The following CAMK4 variants were observed in gnomAD, a reference collection of about 807,000 sequenced individuals.
CAMK4 encodes the protein calcium/calmodulin dependent protein kinase IV, also known as calcium/calmodulin-dependent protein kinase type IV.
CAMK4 carries 22 observed loss-of-function variants against 44.9 expected under a neutral mutation model. That is an observed-to-expected ratio of 0.49 (90% CI 0.35 to 0.70). The LOEUF is 0.70. Among genes scored for constraint, CAMK4 ranks in the 30% least tolerant of loss-of-function variants. The pLI is 0.01. For synonymous variants in CAMK4, 218 were observed against 215.4 expected (o/e 1.01, Z -0.11); for missense variants, 498 against 586.8 (o/e 0.85, Z 1.56).
At chr5:111,297,460 G>T (rs1747535995) in intron 1 of CAMK4, among the ~76,000 whole-genome samples, 1 of 152,178 alleles carries the variant, frequency 6.6e-6, no homozygotes, top group Admixed American at 6.5e-5. Flanking sequence ...GGCTCTCAGT[G>T]TCCTGCTGAG....
At chr5:111,473,701 T>A (rs1755144078) in intron 8 of CAMK4, among the ~76,000 whole-genome samples, 1 of 152,214 alleles carries the variant, frequency 6.6e-6, no homozygotes, top group Non-Finnish European at 1.5e-5. Flanking sequence ...CTGTGTAAAC[T>A]TGCTCTTGTT....
At chr5:111,416,803 A>G (rs1752831144) in intron 5 of CAMK4, among the ~76,000 whole-genome samples, 1 of 152,210 alleles carries the variant, frequency 6.6e-6, no homozygotes, top group South Asian at 2.1e-4. Context: ...GGAAGACACT[A>G]CTATTAACAT....
rs551875678 is a variant in CAMK4 at position 111,238,414 on chromosome 5, G to A, written c.161+13770G>A. Among the ~76,000 whole-genome samples, 12 of 152,216 alleles carry A rather than the reference G, an allele frequency of 7.9e-5. No homozygotes were observed. In the East Asian group the frequency reaches 1.4e-3, roughly 17 times the overall value. ...TTAAAAGAGTTGTGAGAGCTTGCTC[G>A]CTCGCTGTCTCTCATCACTGACCAT... On this transcript the variant is annotated intron_variant, in intron 1 of 10. Transcript: ENST00000282356.
chr5:111,472,774 T>C (rs1042908384), intron 7 of CAMK4, among the ~76,000 whole-genome samples: 9 of 152,114 alleles, frequency 5.9e-5, no homozygotes, highest in African/African-American at 1.7e-4. Context: ...TGCCAGGACA[T>C]GTGCCAGGAC....
At chr5:111,370,895 C>G (rs1010826539) in intron 2 of CAMK4, among the ~76,000 whole-genome samples, 2 of 144,726 alleles carry the variant, frequency 1.4e-5, no homozygotes, top group African/African-American at 5.2e-5. Context: ...AGCCTGGTGA[C>G]AAAGCGAGAC....
At chr5:111,374,175 G>T (rs1751120628) in intron 2 of CAMK4, among the ~76,000 whole-genome samples, 1 of 152,150 alleles carries the variant, frequency 6.6e-6, no homozygotes, top group Non-Finnish European at 1.5e-5. Context: ...TGTATTAACA[G>T]TCCTCTTCAT....
intron 4 of CAMK4, among the ~76,000 whole-genome samples, chr5:111,392,862 T>A (rs1465044840): frequency 6.6e-6 from 1 of 152,148 alleles, no homozygotes; most frequent in Non-Finnish European, 1.5e-5. Flanking sequence ...TATATTATAC[T>A]GGATAGTAAA....
intron 1 of CAMK4, among the ~76,000 whole-genome samples, chr5:111,310,110 T>C (rs1440027919): frequency 6.6e-6 from 1 of 152,156 alleles, no homozygotes. Context: ...TAACAAGGCA[T>C]ATTCAACCTC....
intron 2 of CAMK4, among the ~76,000 whole-genome samples, chr5:111,348,758 G>A (rs1580630996): frequency 1.3e-5 from 2 of 152,088 alleles, no homozygotes; most frequent in East Asian, 1.9e-4. Flanking sequence ...TTTCAGATAC[G>A]TGAGCTTTCT....
rs1481554452 is a variant in CAMK4 at position 111,482,635 on chromosome 5, A to G, written c.829-150A>G. The G allele has an allele frequency of 3.6e-6, 2 of 548,528 alleles. No homozygotes were observed. Among genetic ancestry groups the G allele is most frequent in the Admixed American group, 7.1e-5 (2 of 28,026 alleles). The allele number at this position is 548,528 out of a possible 1,614,324, so 34.0% of individuals were successfully genotyped here. The stretch of plus-strand genomic sequence containing the variant: ...GCTACCTGAAGCTGTGCCTACCTAC[A>G]GTGGCCCCTGAGGACTTAAACAATT... On this transcript the variant is annotated intron_variant, in intron 9 of 10. Coordinates refer to ENST00000282356, the MANE Select transcript of CAMK4 (RefSeq NM_001744.6). This position sits in a 1 kb window ranked among gnomAD's most constrained non-coding sequence, Gnocchi z 4.9.
chr5:111,336,642 T>G (rs975502148), intron 1 of CAMK4, among the ~76,000 whole-genome samples: 2 of 151,136 alleles, frequency 1.3e-5, no homozygotes, highest in Non-Finnish European at 3.0e-5. Context: ...GCTAAGACAA[T>G]GATTTATATA....
intron 2 of CAMK4, among the ~76,000 whole-genome samples, chr5:111,354,738 T>C (rs1021726230): frequency 2.6e-5 from 4 of 151,926 alleles, no homozygotes; most frequent in Non-Finnish European, 5.9e-5. Context: ...TAAATAAGAC[T>C]CCTTTGGGCC....
intron 5 of CAMK4, among the ~76,000 whole-genome samples, chr5:111,435,889 T>C (rs35640606): frequency 0.27 from 40,702 of 152,072 alleles, 5,807 homozygotes; most frequent in Non-Finnish European, 0.32. Flanking sequence ...ATCTTCTCAG[T>C]TGCCTCACAA....
chr5:111,378,475 C>T (rs925206341), intron 4 of CAMK4, among the ~76,000 whole-genome samples: 1 of 152,076 alleles, frequency 6.6e-6, no homozygotes, highest in African/African-American at 2.4e-5. Flanking sequence ...TTTAACATTA[C>T]CCAGTGAAAA....
chr5:111,417,281 G>A (rs1752849290), intron 5 of CAMK4, among the ~76,000 whole-genome samples: 1 of 150,536 alleles, frequency 6.6e-6, no homozygotes, highest in South Asian at 2.1e-4. Context: ...CTGGAGTGCA[G>A]TGGCCCGATC....
chr5:111,374,941 A>G, intron 3 of CAMK4, 29 bp downstream of exon 3: 1 of 1,493,156 alleles, frequency 6.7e-7, no homozygotes, highest in Non-Finnish European at 9.3e-7. Flanking sequence ...ACTATTTCAA[A>G]TGATTGCCAG....
At chr5:111,233,254 T>C (rs1748557513) in intron 1 of CAMK4, among the ~76,000 whole-genome samples, 1 of 152,200 alleles carries the variant, frequency 6.6e-6, no homozygotes, top group East Asian at 1.9e-4. Context: ...CTACCTTTAG[T>C]CTCTCTTTCA....
chr5:111,287,399 T>C (rs1167813505), intron 1 of CAMK4, among the ~76,000 whole-genome samples: 1 of 152,172 alleles, frequency 6.6e-6, no homozygotes, highest in Non-Finnish European at 1.5e-5. Context: ...AAAAAAAGCT[T>C]TGGTTCATAT....
chr5:111,464,462 A>G (rs973327963), intron 7 of CAMK4, among the ~76,000 whole-genome samples: 4 of 152,222 alleles, frequency 2.6e-5, no homozygotes, highest in Non-Finnish European at 5.9e-5. Flanking sequence ...AGATCTAGAC[A>G]TACAAGTACA....
Sources: gnomAD v4.1 joint callset for allele counts (sites outside exome capture counted in the v4.1 genomes callset) on GRCh38, gnomAD v4.1.1 for gene constraint, Gnocchi (gnomAD v3.1) non-coding constraint, MANE v1.5 for transcripts, NCBI Gene and HGNC (gene_info 2026-07-23, HGNC 2026-07-21) for gene names.